Variants in EIF4E observed in about 807,000 individuals in gnomAD.
EIF4E encodes the protein eukaryotic translation initiation factor 4E.
For missense variants in EIF4E, 113 were observed against 265.6 expected, an observed-to-expected ratio of 0.43 and a Z score of 3.99; for synonymous variants, 71 against 88.5, an observed-to-expected ratio of 0.80 and a Z score of 1.11.
intron 2 of EIF4E, among the ~76,000 whole-genome samples, chr4:98,901,497 C>G (rs1679595656): frequency 6.6e-6 from 1 of 151,816 alleles, no homozygotes; most frequent in South Asian, 2.1e-4. Context: ...AGGCGTGAGC[C>G]ACCGCGTTGG....
chr4:98,927,993 T>TA (rs1342158897), intron 1 of EIF4E, among the ~76,000 whole-genome samples: 2 of 152,104 alleles, frequency 1.3e-5, no homozygotes, highest in African/African-American at 2.4e-5. Context: ...CAGTTAAGTT[T>TA]AAAATGGTGC....
At chr4:98,886,616 G>T in intron 5 of EIF4E, 1 of 359,182 alleles carries the variant, frequency 2.8e-6, no homozygotes, top group Non-Finnish European at 5.5e-6. Context: ...TTAAGAGGCT[G>T]AAGTGGGAGG....
At chr4:98,892,845 T>C (rs1484848058) in intron 2 of EIF4E, among the ~76,000 whole-genome samples, 2 of 152,226 alleles carry the variant, frequency 1.3e-5, no homozygotes, top group Admixed American at 6.5e-5. Context: ...GATTGAGTAA[T>C]GCTGCATAGA....
intron 2 of EIF4E, 112 bp from the exon 3 acceptor site, chr4:98,891,444 A>C: frequency 1.2e-6 from 1 of 856,226 alleles, no homozygotes; most frequent in Non-Finnish European, 1.9e-6. Context: ...TCAACAGATG[A>C]ATGAAAAATG....
At chr4:98,881,387 A>G (rs558465706) in intron 6 of EIF4E, among the ~76,000 whole-genome samples, 1 of 152,202 alleles carries the variant, frequency 6.6e-6, no homozygotes, top group Admixed American at 6.5e-5. Flanking sequence ...AAATTACAGG[A>G]GCATTACTAT....
chr4:98,907,809 G>A (rs998664500), intron 1 of EIF4E, among the ~76,000 whole-genome samples: 3 of 152,152 alleles, frequency 2.0e-5, no homozygotes, highest in African/African-American at 7.2e-5. Context: ...TTCTTCCCTT[G>A]TAAAAAGTGC....
At chr4:98,928,495 C>T (rs960144803) in intron 1 of EIF4E, among the ~76,000 whole-genome samples, 1 of 152,122 alleles carries the variant, frequency 6.6e-6, no homozygotes, top group African/African-American at 2.4e-5. Flanking sequence ...CTCTCAACTC[C>T]CCTAAGCGAG....
chr4:98,912,752 T>C (rs1471274934), intron 1 of EIF4E, among the ~76,000 whole-genome samples: 6 of 152,244 alleles, frequency 3.9e-5, no homozygotes, highest in Non-Finnish European at 8.8e-5. Flanking sequence ...AAGAAGTATT[T>C]GAAAGGCAAA....
At chr4:98,896,443 G>A (rs920596650) in intron 2 of EIF4E, among the ~76,000 whole-genome samples, 4 of 120,952 alleles carry the variant, frequency 3.3e-5, no homozygotes, top group African/African-American at 1.3e-4. Context: ...GAGGTCAGGA[G>A]TTTGAGAACA....
chr4:98,909,247 T>C (rs1725006578), intron 1 of EIF4E, among the ~76,000 whole-genome samples: 3 of 152,216 alleles, frequency 2.0e-5, no homozygotes, highest in Admixed American at 6.5e-5. Context: ...ATCTCACATA[T>C]ACAGGTAAGT....
intron 1 of EIF4E, among the ~76,000 whole-genome samples, chr4:98,903,931 C>CA (rs1485795857): frequency 1.3e-5 from 2 of 152,052 alleles, no homozygotes; most frequent in East Asian, 3.8e-4. Context: ...GATGGGTTTC[C>CA]AGGCAGACAG....
intron 2 of EIF4E, among the ~76,000 whole-genome samples, chr4:98,893,147 TA>T (rs35147490): frequency 0.19 from 29,035 of 151,248 alleles, 3,697 homozygotes; most frequent in Non-Finnish European, 0.28. Context: ...GCATTACATC[TA>T]AAAAAAAATG....
intron 2 of EIF4E, among the ~76,000 whole-genome samples, chr4:98,893,890 G>A (rs1185732525): frequency 6.6e-6 from 1 of 152,162 alleles, no homozygotes; most frequent in African/African-American, 2.4e-5. Context: ...ACAGCATTTA[G>A]CCTCATGAAA....
chr4:98,927,284 G>C (rs537290146), intron 1 of EIF4E, among the ~76,000 whole-genome samples: 1 of 152,264 alleles, frequency 6.6e-6, no homozygotes, highest in African/African-American at 2.4e-5. Flanking sequence ...TTTTGACAAG[G>C]TAAGGATAGT....
chr4:98,886,116 T>C (rs1043155043), intron 5 of EIF4E, among the ~76,000 whole-genome samples: 13 of 151,870 alleles, frequency 8.6e-5, no homozygotes, highest in Non-Finnish European at 1.8e-4. Flanking sequence ...CACTGCACTC[T>C]AGCCTGGGCG....
chr4:98,926,583 C>A (rs1324775372), intron 1 of EIF4E: 1 of 152,126 alleles, frequency 6.6e-6, no homozygotes, highest in Non-Finnish European at 1.5e-5. Context: ...CTAAACACTT[C>A]GATACTATTT....
intron 1 of EIF4E, chr4:98,909,606 T>G (rs1725019981): frequency 5.8e-6 from 4 of 684,218 alleles, no homozygotes; most frequent in Non-Finnish European, 1.1e-5. Context: ...CCAAGTCCTT[T>G]TCACTTTCTA....
rs1182374504 is a variant in EIF4E at position 98,887,830 on chromosome 4, A to C, written c.285+59T>G. On this transcript the variant is annotated intron_variant, in intron 4 of 6. Coordinates refer to ENST00000450253, the MANE Select transcript of EIF4E (RefSeq NM_001968.5). This position sits in a 1 kb window ranked among gnomAD's most constrained non-coding sequence, Gnocchi z 4.0. ...TCCTAAGTTTATGGTAAGATTTCTT[A>C]ATGAATACCAAATGGCCCAGTCCTA... is the stretch of plus-strand genomic sequence containing the variant. The C allele has an allele frequency of 6.8e-7, 1 of 1,461,774 alleles. No homozygotes were observed. The highest frequency in any genetic ancestry group is 9.5e-7 in the Non-Finnish European group (1 of 1,050,622). The allele number at this position is 1,461,774 out of a possible 1,614,324, so 90.6% of individuals were successfully genotyped here.
At chr4:98,883,485 G>A (rs996401536) in intron 6 of EIF4E, among the ~76,000 whole-genome samples, 14 of 134,602 alleles carry the variant, frequency 1.0e-4, no homozygotes, top group East Asian at 2.3e-4. Context: ...TGCAAGCTCC[G>A]CCTCCCGGGT....
Sources: gnomAD v4.1 joint callset for allele counts (sites outside exome capture counted in the v4.1 genomes callset) on GRCh38, gnomAD v4.1.1 for gene constraint, Gnocchi (gnomAD v3.1) non-coding constraint, MANE v1.5 for transcripts, NCBI Gene and HGNC (gene_info 2026-07-23, HGNC 2026-07-21) for gene names.